CTF1: variants seen among roughly 807,000 people sequenced by gnomAD.
CTF1 encodes cardiotrophin-1.
A neutral mutation model predicts 10.9 loss-of-function variants in CTF1; 9 were observed. The observed-to-expected ratio is 0.83, with a 90% CI of 0.50 to 1.44. The LOEUF (loss-of-function observed/expected upper bound fraction) is 1.44, where lower values mean the gene tolerates loss of function less well. CTF1 is among the 40% of genes most tolerant of loss of function. The pLI is 0.00. For missense variants in CTF1, 259 were observed against 275.3 expected, an observed-to-expected ratio of 0.94 and a Z score of 0.42; for synonymous variants, 133 against 138.8, an observed-to-expected ratio of 0.96 and a Z score of 0.29.
rs1026759136 is a variant in CTF1 at position 30,902,533 on chromosome 16, G to C, written c.600G>C (p.Ser200=). The stretch of plus-strand genomic sequence containing the variant: ...TGGGCCAGCTGCTGCCCGGGGGCTC[G>C]GCCTGAGCGCCGCGGGGCAGCTCGC... ...GDLGQLLPGG[S]A is the part of the protein sequence containing the mutation. The change falls in exon 3 of 3, where the codon TCG becomes TCC. Residue 200 remains serine, a synonymous_variant. Coordinates refer to ENST00000279804, the MANE Select transcript of CTF1 (RefSeq NM_001330.5). The C allele has an allele frequency of 2.0e-6, 3 of 1,498,038 alleles. No homozygotes were observed. Among genetic ancestry groups the C allele is most frequent in the African/African-American group, 1.4e-5 (1 of 69,282 alleles). 92.8% of individuals were successfully genotyped at this position (1,498,038 alleles called of 1,614,324 possible).
At position 30,898,385 on chromosome 16, in the gene CTF1, C is replaced by G. The variant is rs11862962; in HGVS notation, c.26-1030C>G. Among the ~76,000 whole-genome samples the G allele has an allele frequency of 0.25, 37,245 of 151,918 alleles. 5,201 individuals are homozygous for G. Among genetic ancestry groups the G allele is most frequent in the South Asian group, 0.68 (3,275 of 4,816 alleles). ...CCAGATGGTCCCGAACTCCTGACTTCAAGTGATCCGCCCGCCTCATCCTCC... is the reference window on the plus strand; with the variant it reads ...CCAGATGGTCCCGAACTCCTGACTTGAAGTGATCCGCCCGCCTCATCCTCC... On this transcript the variant is annotated intron_variant, in intron 1 of 2. Coordinates refer to ENST00000279804, the MANE Select transcript of CTF1 (RefSeq NM_001330.5).
Sources: gnomAD v4.1 joint callset for allele counts (sites outside exome capture counted in the v4.1 genomes callset) on GRCh38, gnomAD v4.1.1 for gene constraint, MANE v1.5 for transcripts, NCBI Gene and HGNC (gene_info 2026-07-23, HGNC 2026-07-21) for gene names.